Variants in NCOA2 observed in about 807,000 individuals in gnomAD.
NCOA2 encodes the protein class E basic helix-loop-helix protein 75.
Under a neutral mutation model 145.1 loss-of-function variants are expected in NCOA2, and 21 were observed. The ratio of observed to expected loss-of-function variants is 0.14; its 90% CI spans 0.10 to 0.21. The LOEUF is 0.21. Ranked by LOEUF, NCOA2 falls within the 10% of genes least tolerant of loss-of-function variation. The probability of loss-of-function intolerance (pLI) is 1.00; values close to 1 mark genes in which losing one functional copy is unlikely to be tolerated. For missense variants in NCOA2, 1,472 were observed against 1,837.6 expected (o/e 0.80, Z 3.64); for synonymous variants, 619 against 637.5 (o/e 0.97, Z 0.44).
intron 4 of NCOA2, among the ~76,000 whole-genome samples, chr8:70,204,293 C>T (rs1030378052): frequency 1.2e-4 from 18 of 152,200 alleles, no homozygotes; most frequent in Non-Finnish European, 2.2e-4. Flanking sequence ...CAGGCATAAG[C>T]CACCATGACC....
intron 1 of NCOA2, among the ~76,000 whole-genome samples, chr8:70,392,038 T>A (rs917414786): frequency 6.6e-6 from 1 of 152,186 alleles, no homozygotes; most frequent in African/African-American, 2.4e-5. Flanking sequence ...GGAGGAGAAA[T>A]TAAAAACATT....
intron 1 of NCOA2, among the ~76,000 whole-genome samples, chr8:70,385,849 G>GT (rs1404381548): frequency 1.3e-5 from 2 of 152,236 alleles, no homozygotes; most frequent in East Asian, 3.9e-4. Context: ...ACTAATCATA[G>GT]TATCTTGAAA....
At chr8:70,292,634 T>C (rs566675500) in intron 2 of NCOA2, among the ~76,000 whole-genome samples, 35 of 151,926 alleles carry the variant, frequency 2.3e-4, no homozygotes, top group African/African-American at 7.2e-4. Flanking sequence ...CTTGCATGGA[T>C]AGATAATCCT....
chr8:70,433,419 C>A, the NCOA2 span, among the ~76,000 whole-genome samples: 1 of 151,810 alleles, frequency 6.6e-6, no homozygotes, highest in African/African-American at 2.4e-5. Flanking sequence ...GTTTTCCATT[C>A]TATATGTCAA....
At chr8:70,423,246 C>T in the NCOA2 span, among the ~76,000 whole-genome samples, 1 of 152,158 alleles carries the variant, frequency 6.6e-6, no homozygotes, top group Non-Finnish European at 1.5e-5. Flanking sequence ...TGCAATGGCA[C>T]GATCTTGGCT....
chr8:70,376,153 A>G (rs1366957311), intron 1 of NCOA2, among the ~76,000 whole-genome samples: 3 of 152,236 alleles, frequency 2.0e-5, no homozygotes, highest in South Asian at 2.1e-4. Context: ...CAGGAGGAGG[A>G]TAAGTATTTC....
At chr8:70,152,994 G>T (rs1417902259) in intron 11 of NCOA2, among the ~76,000 whole-genome samples, 1 of 152,182 alleles carries the variant, frequency 6.6e-6, no homozygotes, top group Admixed American at 6.5e-5. Flanking sequence ...CCTGTATTTG[G>T]AAACAGTGAA....
At chr8:70,366,933 G>C (rs1298947667) in intron 1 of NCOA2, among the ~76,000 whole-genome samples, 1 of 152,094 alleles carries the variant, frequency 6.6e-6, no homozygotes, top group Non-Finnish European at 1.5e-5. Context: ...CCCTAGATGT[G>C]CTAAAGGTTC....
chr8:70,139,051 T>C (rs1320735935), intron 14 of NCOA2, among the ~76,000 whole-genome samples: 4 of 152,208 alleles, frequency 2.6e-5, no homozygotes, highest in Non-Finnish European at 1.5e-5. Flanking sequence ...TAACTGTACT[T>C]CAGCTGGCTC....
At chr8:70,322,009 G>C (rs1806124204) in intron 1 of NCOA2, among the ~76,000 whole-genome samples, 1 of 151,562 alleles carries the variant, frequency 6.6e-6, no homozygotes, top group Non-Finnish European at 1.5e-5. Context: ...CCAGGTACGT[G>C]GGAGGCTGAG....
the NCOA2 span, among the ~76,000 whole-genome samples, chr8:70,451,175 G>C: frequency 7.4e-6 from 1 of 135,058 alleles, no homozygotes; most frequent in African/African-American, 2.9e-5. Flanking sequence ...CTGAGATCGC[G>C]CCACTGTGCT....
At chr8:70,202,419 A>G (rs1167309243) in intron 4 of NCOA2, among the ~76,000 whole-genome samples, 1 of 152,236 alleles carries the variant, frequency 6.6e-6, no homozygotes, top group African/African-American at 2.4e-5. Flanking sequence ...TATTCATAAC[A>G]GCCAAGATAT....
chr8:70,239,430 G>A (rs1293180010), intron 2 of NCOA2, among the ~76,000 whole-genome samples: 1 of 152,126 alleles, frequency 6.6e-6, no homozygotes, highest in Non-Finnish European at 1.5e-5. Context: ...TACAGTCTTT[G>A]TTGATCTTCT....
chr8:70,400,645 C>T (rs1432572007), intron 1 of NCOA2, among the ~76,000 whole-genome samples: 3 of 152,132 alleles, frequency 2.0e-5, no homozygotes, highest in Non-Finnish European at 1.5e-5. Context: ...GTTTGGTTTA[C>T]CTTCTCTGTT....
chr8:70,124,074 G>C lies in NCOA2; in HGVS notation c.4103C>G (p.Ser1368Cys). Reference protein sequence around the residue: ...QGNMGGNSMFSQQSPPHFGQQ... With the variant: ...QGNMGGNSMFCQQSPPHFGQQ... The stretch of plus-strand genomic sequence containing the variant: ...CCCAAAGTGTGGTGGGGACTGCTGG[G>C]AAAACATGCTGGAATACAATGGAAA... Residue 1368 changes from serine (S) to cysteine (C), a missense_variant, in exon 21 of 23, where the codon TCC becomes TGC. Physicochemically the swap from Ser to Cys is moderately radical, Grantham distance 112 (BLOSUM62 -1). Transcript: ENST00000452400. The C allele has an allele frequency of 1.2e-6, 2 of 1,612,968 alleles. No individual in the cohort carries two copies. The highest frequency in any genetic ancestry group is 1.7e-6 in the Non-Finnish European group (2 of 1,179,208).
In NCOA2 at chr8:70,222,494, G is replaced by A. The variant is rs954801726; in HGVS notation, c.-19-5730C>T. Among the ~76,000 whole-genome samples the A allele has an allele frequency of 4.6e-5, 7 of 152,034 alleles. No individual in the cohort carries two copies. In the South Asian group the frequency reaches 8.3e-4, roughly 18 times the overall value. ...CTAAAAATTCCTTCCTCTCAGTATC[G>A]TCTGCTCTTAGATTACTTTTGTATA... On this transcript the variant is annotated intron_variant, in intron 2 of 22. Coordinates refer to ENST00000452400, the MANE Select transcript of NCOA2 (RefSeq NM_006540.4).
intron 1 of NCOA2, among the ~76,000 whole-genome samples, chr8:70,350,953 A>C (rs951799983): frequency 2.6e-5 from 4 of 152,198 alleles, no homozygotes; most frequent in African/African-American, 9.6e-5. Context: ...GGGAAGTCCA[A>C]TATCAAGATG....
intron 1 of NCOA2, among the ~76,000 whole-genome samples, chr8:70,359,914 T>C (rs1475583303): frequency 6.6e-6 from 1 of 152,194 alleles, no homozygotes; most frequent in African/African-American, 2.4e-5. Context: ...TCATTTCATC[T>C]TGCTTAATTC....
intron 1 of NCOA2, among the ~76,000 whole-genome samples, chr8:70,390,827 A>G (rs1672060102): frequency 6.6e-6 from 1 of 152,226 alleles, no homozygotes; most frequent in Non-Finnish European, 1.5e-5. Context: ...ATACATATGA[A>G]GAATATTACT....
Sources: gnomAD v4.1 joint callset for allele counts (sites outside exome capture counted in the v4.1 genomes callset) on GRCh38, gnomAD v4.1.1 for gene constraint, MANE v1.5 for transcripts, NCBI Gene and HGNC (gene_info 2026-07-23, HGNC 2026-07-21) for gene names.